DPYS: variants seen among roughly 807,000 people sequenced by gnomAD.
DPYS encodes the protein dihydropyrimidinase.
A neutral mutation model predicts 50.3 loss-of-function variants in DPYS; 39 were observed. The observed-to-expected ratio is 0.78, with a 90% confidence interval of 0.60 to 1.01. The LOEUF (loss-of-function observed/expected upper bound fraction) is 1.01. Among genes scored for constraint, DPYS ranks in the 50% least tolerant of loss-of-function variants. The pLI is 0.00. For synonymous variants in DPYS, 245 were observed against 250.7 expected (o/e 0.98, Z 0.22); for missense variants, 659 against 680.9 (o/e 0.97, Z 0.36).
At chr8:104,432,615 G>T (rs1368702882) in intron 4 of DPYS, among the ~76,000 whole-genome samples, 1 of 152,192 alleles carries the variant, frequency 6.6e-6, no homozygotes, top group Non-Finnish European at 1.5e-5. Flanking sequence ...AGGAAGAAAA[G>T]AATTGAGAAG....
At chr8:104,429,410 G>A in intron 5 of DPYS, 135 bp downstream of exon 5, 3 of 1,133,010 alleles carry the variant, frequency 2.6e-6, no homozygotes, top group East Asian at 2.4e-5. Context: ...GCAGGTGAGG[G>A]GTACCCAGGA....
chr8:104,437,905 A>G (rs1050331795), intron 4 of DPYS, among the ~76,000 whole-genome samples: 1 of 152,190 alleles, frequency 6.6e-6, no homozygotes, highest in African/African-American at 2.4e-5. Context: ...ATAAGAAGAC[A>G]AGAAATTGTA....
At position 104,379,513 on chromosome 8, in the gene DPYS, T is replaced by A. The variant is rs758496769; in HGVS notation, c.*345A>T. The A allele has an allele frequency of 2.4e-4, 41 of 170,608 alleles. No homozygotes were observed. The highest frequency in any genetic ancestry group is 3.0e-4 in the Non-Finnish European group (24 of 79,136). 10.6% of individuals were successfully genotyped at this position (170,608 alleles called of 1,614,324 possible). On this transcript the variant is annotated 3_prime_UTR_variant, in exon 10 of 10. Transcript: ENST00000351513. ...TTTAAAACTAATGTAACCATTTTTT[T>A]AAAAAAAGAAACTATTTAAACAAGA... is the stretch of plus-strand genomic sequence containing the variant.
intron 4 of DPYS, among the ~76,000 whole-genome samples, chr8:104,430,067 T>C (rs1812899890): frequency 6.6e-6 from 1 of 152,190 alleles, no homozygotes. Flanking sequence ...GGAGTAATAA[T>C]TTCTCTACAT....
intron 1 of DPYS, among the ~76,000 whole-genome samples, chr8:104,457,863 G>A (rs893748831): frequency 6.6e-6 from 1 of 152,146 alleles, no homozygotes; most frequent in African/African-American, 2.4e-5. Flanking sequence ...AAACTTAAGA[G>A]TTACTCTTGA....
At chr8:104,386,021 G>A (rs761095994) in intron 8 of DPYS, among the ~76,000 whole-genome samples, 4 of 152,172 alleles carry the variant, frequency 2.6e-5, no homozygotes, top group Non-Finnish European at 4.4e-5. Flanking sequence ...GCAGGACATC[G>A]GTGGTTTACT....
At chr8:104,422,926 C>G (rs1166648434) in intron 7 of DPYS, among the ~76,000 whole-genome samples, 1 of 152,186 alleles carries the variant, frequency 6.6e-6, no homozygotes. Context: ...ACAGAACAAG[C>G]AAAATCCAAG....
At chr8:104,416,653 ATGTGAG>A (rs1207689314) in intron 7 of DPYS, among the ~76,000 whole-genome samples, 3 of 140,600 alleles carry the variant, frequency 2.1e-5, no homozygotes, top group Non-Finnish European at 4.6e-5. Context: ...GCTGATGTGC[ATGTGAG>A]TGTGTGTGTG....
chr8:104,413,253 T>C (rs985350938), intron 7 of DPYS, among the ~76,000 whole-genome samples: 1 of 151,972 alleles, frequency 6.6e-6, no homozygotes, highest in African/African-American at 2.4e-5. Flanking sequence ...CTAACAATTA[T>C]AATGTTGAGA....
intron 7 of DPYS, among the ~76,000 whole-genome samples, chr8:104,395,214 G>C (rs1257506902): frequency 6.6e-6 from 1 of 152,070 alleles, no homozygotes; most frequent in African/African-American, 2.4e-5. Context: ...ACCCAGGATG[G>C]TCTCAAACTC....
chr8:104,379,441 A>T lies in DPYS; in HGVS notation c.*417T>A. The stretch of plus-strand genomic sequence containing the variant: ...TCAGATAATAAGGTATAAAATGAAG[A>T]TCTCAATGTTTATTAATTACAATAA... On this transcript the variant is annotated 3_prime_UTR_variant, in exon 10 of 10. Coordinates refer to ENST00000351513, the MANE Select transcript of DPYS (RefSeq NM_001385.3). 6.0e-6 allele frequency: 1 copy of T among 166,740 alleles called. No homozygotes were observed. The highest frequency in any genetic ancestry group is 1.5e-4 in the South Asian group (1 of 6,884). 10.3% of individuals were successfully genotyped at this position (166,740 alleles called of 1,614,324 possible). A position where few individuals can be genotyped will look rare whatever the true frequency, so the allele number is the denominator to read the frequency against.
chr8:104,388,845 G>A (rs1337280700), intron 8 of DPYS, among the ~76,000 whole-genome samples: 6 of 152,154 alleles, frequency 3.9e-5, no homozygotes, highest in Admixed American at 3.9e-4. Flanking sequence ...ATGGTATGGT[G>A]TTGACAAATT....
intron 1 of DPYS, among the ~76,000 whole-genome samples, chr8:104,455,664 G>T (rs1033183451): frequency 6.6e-6 from 1 of 152,146 alleles, no homozygotes. Context: ...ATGCCATAGA[G>T]GTCCCGAGAC....
chr8:104,431,565 G>T (rs1053976244), intron 4 of DPYS, among the ~76,000 whole-genome samples: 2 of 151,954 alleles, frequency 1.3e-5, no homozygotes, highest in Non-Finnish European at 2.9e-5. Context: ...AAAAGGGGAA[G>T]GAAAACAGGA....
chr8:104,421,578 G>A (rs1352231308), intron 7 of DPYS: 1 of 151,442 alleles, frequency 6.6e-6, no homozygotes, highest in East Asian at 1.9e-4. Context: ...AGCTTGCAGT[G>A]AGCCGAGATC....
intron 8 of DPYS, chr8:104,381,559 A>G (rs1314167029): frequency 8.5e-6 from 4 of 471,408 alleles, no homozygotes; most frequent in South Asian, 2.1e-5. Context: ...GGCCTCTGCC[A>G]TATCCTCACG....
chr8:104,444,477 T>A (rs947714328), intron 3 of DPYS, 40 bp from the exon 4 acceptor site: 2 of 1,608,630 alleles, frequency 1.2e-6, no homozygotes, highest in East Asian at 2.2e-5. Flanking sequence ...GCAAGGAAGG[T>A]TTACTAATGA....
At chr8:104,427,851 C>T in intron 6 of DPYS, 129 bp downstream of exon 6, 1 of 1,353,540 alleles carries the variant, frequency 7.4e-7, no homozygotes, top group Non-Finnish European at 1.1e-6. Flanking sequence ...GTATTGCATT[C>T]CTAGTATCCT....
intron 2 of DPYS, among the ~76,000 whole-genome samples, chr8:104,448,457 C>A (rs890677736): frequency 3.3e-5 from 5 of 151,982 alleles, no homozygotes; most frequent in African/African-American, 1.2e-4. Context: ...CGCCCAGCCT[C>A]AATAATTGCT....
Sources: allele counts gnomAD v4.1 joint callset (sites outside exome capture counted in the v4.1 genomes callset), GRCh38; gene constraint gnomAD v4.1.1; transcripts MANE v1.5; gene names NCBI Gene and HGNC (gene_info 2026-07-23, HGNC 2026-07-21).